The following DNAH14 variants were observed in gnomAD, a reference collection of about 807,000 sequenced individuals.
DNAH14 encodes axonemal beta dynein heavy chain 14.
DNAH14 carries 478 observed loss-of-function variants against 520.9 expected under a neutral mutation model. That is an observed-to-expected ratio of 0.92 (90% CI 0.85 to 0.99). The LOEUF is 0.99. DNAH14 is among the 50% of genes least tolerant of loss of function. The pLI is 0.00. For synonymous variants in DNAH14, 1,581 were observed against 1,757.2 expected, an observed-to-expected ratio of 0.90 and a Z score of 2.51; for missense variants, 4,831 against 5,234.5, an observed-to-expected ratio of 0.92 and a Z score of 2.38.
chr1:225,213,340 C>T (rs1022412990), intron 41 of DNAH14, among the ~76,000 whole-genome samples: 1 of 152,076 alleles, frequency 6.6e-6, no homozygotes, highest in Non-Finnish European at 1.5e-5. Flanking sequence ...AGTCAGAAAG[C>T]ATGATGCCTC....
intron 83 of DNAH14, among the ~76,000 whole-genome samples, chr1:225,390,693 G>A (rs776536803): frequency 1.3e-5 from 2 of 152,140 alleles, no homozygotes; most frequent in African/African-American, 2.4e-5. Context: ...GACAGGGGAA[G>A]AAGAGAATAA....
chr1:225,330,231 G>T (rs1206830711), intron 64 of DNAH14, among the ~76,000 whole-genome samples: 1 of 152,102 alleles, frequency 6.6e-6, no homozygotes, highest in South Asian at 2.1e-4. Flanking sequence ...CAACCACTAT[G>T]GAGAACAGTT....
rs1288612620 is a variant in DNAH14, at chr1:225,398,471, G to A, written c.13492-49G>A. Reference sequence around the variant, plus strand: ...CAATTCCGGACGGAGCCTCCAGTTGGTCGCTGCTTCTCCTGGGGATCCCTG... The same window carrying A: ...CAATTCCGGACGGAGCCTCCAGTTGATCGCTGCTTCTCCTGGGGATCCCTG... On this transcript the variant is annotated intron_variant, in intron 84 of 85. Transcript: ENST00000682510. The A allele has an allele frequency of 7.1e-6, 11 of 1,542,476 alleles. No individual in the cohort carries two copies. The South Asian group carries it at 1.1e-4, about 15-fold the overall frequency.
intron 4 of DNAH14, among the ~76,000 whole-genome samples, chr1:224,963,793 C>G (rs966813147): frequency 7.9e-5 from 12 of 152,048 alleles, no homozygotes; most frequent in African/African-American, 2.9e-4. Flanking sequence ...AGTGCCTCAT[C>G]CTAGTTATAA....
intron 19 of DNAH14, 142 bp downstream of exon 19, chr1:225,080,890 G>A (rs1156848731): frequency 3.5e-6 from 3 of 849,062 alleles, no homozygotes; most frequent in East Asian, 2.9e-5. Flanking sequence ...AGGAGTATAG[G>A]TAGGAATTTC....
At chr1:225,068,629 G>A (rs776785156) in intron 17 of DNAH14, among the ~76,000 whole-genome samples, 1 of 152,176 alleles carries the variant, frequency 6.6e-6, no homozygotes, top group South Asian at 2.1e-4. Context: ...TCCCTGAGCA[G>A]TGGTTTGTAG....
rs374461029 is a variant in DNAH14 at position 225,085,532 on chromosome 1, T to A, written c.3328-12T>A. 1.3e-4 allele frequency: 204 copies of A among 1,534,270 alleles called. No individual in the cohort carries two copies. The highest frequency in any genetic ancestry group is 1.7e-4 in the Non-Finnish European group (198 of 1,133,590). On this transcript the variant is annotated splice_polypyrimidine_tract_variant and intron_variant, in intron 20 of 85. Transcript: ENST00000682510. ...CTATACTGGATACTAAAGAATACTT[T>A]GTTCATTTTAGATGTTTCAGTATGA...
At chr1:225,006,880 C>T (rs559277109) in intron 9 of DNAH14, among the ~76,000 whole-genome samples, 2 of 152,124 alleles carry the variant, frequency 1.3e-5, no homozygotes, top group African/African-American at 2.4e-5. Context: ...TTTTGCGGCT[C>T]GGGGGCATCA....
At chr1:225,242,738 A>C (rs1372513246) in intron 43 of DNAH14, among the ~76,000 whole-genome samples, 1 of 152,230 alleles carries the variant, frequency 6.6e-6, no homozygotes, top group African/African-American at 2.4e-5. Flanking sequence ...CATCATTATC[A>C]AAGATTATGT....
At chr1:225,027,220 T>TTACCAATCTGATACATTTTA (rs1229514250) in intron 11 of DNAH14, among the ~76,000 whole-genome samples, 1 of 152,172 alleles carries the variant, frequency 6.6e-6, no homozygotes, top group African/African-American at 2.4e-5. Context: ...TTTTACTTCT[T>TTACCAATCTGATACATTTTA]TACCAATCTG....
intron 79 of DNAH14, among the ~76,000 whole-genome samples, chr1:225,378,989 G>A (rs1009347764): frequency 6.6e-6 from 1 of 152,136 alleles, no homozygotes; most frequent in Non-Finnish European, 1.5e-5. Flanking sequence ...ACTGTCTAAG[G>A]AGGTCCTCCC....
Position 225,318,610 on chromosome 1 carries a change from CT to C in DNAH14, c.9269del (p.Leu3090ArgfsTer11). 1 of 1,548,340 alleles carries C rather than the reference CT, an allele frequency of 6.5e-7. No homozygotes were observed. On this transcript the variant is annotated frameshift_variant, in exon 61 of 86. Transcript: ENST00000682510. LOFTEE classifies it high-confidence loss of function. ...QKTANELKSV[L>X]PAFDKAIVAL... ...AACTGCCAATGAACTAAAAAGTGTGCTGCCAGCCTTTGACAAGGCAATTGTG... is the reference window on the plus strand; with the variant it reads ...AACTGCCAATGAACTAAAAAGTGTGCGCCAGCCTTTGACAAGGCAATTGTG...
chr1:225,028,544 G>C (rs2066300987), intron 11 of DNAH14, among the ~76,000 whole-genome samples: 1 of 151,644 alleles, frequency 6.6e-6, no homozygotes, highest in Non-Finnish European at 1.5e-5. Context: ...TTAAACATTT[G>C]TTAATTTTGT....
chr1:225,395,880 A>G (rs1307968844), intron 84 of DNAH14: 1 of 152,202 alleles, frequency 6.6e-6, no homozygotes, highest in Non-Finnish European at 1.5e-5. Context: ...AGACTGCACT[A>G]AGATGATTCC....
intron 36 of DNAH14, among the ~76,000 whole-genome samples, chr1:225,178,153 A>G (rs1449289194): frequency 1.3e-5 from 2 of 152,194 alleles, no homozygotes; most frequent in Non-Finnish European, 1.5e-5. Context: ...TTTCGGACTT[A>G]CATGAGGCCT....
intron 34 of DNAH14, among the ~76,000 whole-genome samples, chr1:225,155,279 T>C (rs2080914777): frequency 6.6e-6 from 1 of 152,092 alleles, no homozygotes; most frequent in African/African-American, 2.4e-5. Context: ...TGCAAAAGGA[T>C]CTATCAACAT....
chr1:225,021,337 T>A (rs188299510), intron 10 of DNAH14, among the ~76,000 whole-genome samples: 135 of 152,280 alleles, frequency 8.9e-4, no homozygotes, highest in Non-Finnish European at 1.5e-3. Flanking sequence ...GGCATCCAGA[T>A]AGGAAGAGGT....
chr1:224,962,739 C>T (rs2501061), intron 4 of DNAH14, among the ~76,000 whole-genome samples: 22,960 of 152,118 alleles, frequency 0.15, 3,201 homozygotes, highest in African/African-American at 0.36. Context: ...ACCTAACTCT[C>T]TTTTAGAAAA....
chr1:224,999,553 C>T (rs1401669132), intron 8 of DNAH14, among the ~76,000 whole-genome samples: 2 of 152,012 alleles, frequency 1.3e-5, no homozygotes, highest in Admixed American at 6.6e-5. Context: ...CTTTTAATTG[C>T]CATATTTAGA....
Sources: allele counts gnomAD v4.1 joint callset (sites outside exome capture counted in the v4.1 genomes callset), GRCh38; gene constraint gnomAD v4.1.1; transcripts MANE v1.5; gene names NCBI Gene and HGNC (gene_info 2026-07-23, HGNC 2026-07-21).